The following EMC3 variants were observed in gnomAD, a reference collection of about 807,000 sequenced individuals.
EMC3 encodes the protein 30 kDa protein.
In EMC3, 13 loss-of-function variants were observed where a neutral mutation model predicts 36.6. That is an observed-to-expected ratio of 0.35 (90% CI 0.23 to 0.56). The LOEUF (loss-of-function observed/expected upper bound fraction) is 0.56, where lower values mean the gene tolerates loss of function less well. Ranked by LOEUF, EMC3 falls within the 20% of genes least tolerant of loss-of-function variation. The probability of loss-of-function intolerance (pLI) is 0.84; values close to 1 mark genes in which losing one functional copy is unlikely to be tolerated. For synonymous variants in EMC3, 120 were observed against 111.9 expected, an observed-to-expected ratio of 1.07 and a Z score of -0.46; for missense variants, 220 against 324.5, an observed-to-expected ratio of 0.68 and a Z score of 2.47.
chr3:9,996,671 T>C (rs2086129577), intron 1 of EMC3, among the ~76,000 whole-genome samples: 1 of 152,072 alleles, frequency 6.6e-6, no homozygotes, highest in Non-Finnish European at 1.5e-5. Context: ...TATACATGTG[T>C]CAAAATTCAA....
chr3:9,965,383 T>C lies in EMC3; in HGVS notation c.658-1186A>G, dbSNP rs201064894. 3.9e-5 allele frequency among the ~76,000 whole-genome samples: 6 copies of C among 151,966 alleles called. No individual in the cohort carries two copies. The East Asian group carries it at 1.2e-3, about 29-fold the overall frequency. On this transcript the variant is annotated intron_variant, in intron 7 of 7. Coordinates refer to ENST00000245046, the MANE Select transcript of EMC3 (RefSeq NM_001394674.1). ...CTGCAGTGAGCAAGGATTGTACCACTGCACTCCAGCCTGGGTGACACAGTG... is the reference window on the plus strand; with the variant it reads ...CTGCAGTGAGCAAGGATTGTACCACCGCACTCCAGCCTGGGTGACACAGTG...
In EMC3 at chr3:9,985,192, CTT is replaced by C. The variant is rs1455796541; in HGVS notation, c.155+1313_155+1314del. ...CCCATCTATATGATTTTAAAGGAAT[CTT>C]TAAATTACCAGCAAATGGAAATCCA... On this transcript the variant is annotated intron_variant, in intron 1 of 7. Coordinates refer to ENST00000245046, the MANE Select transcript of EMC3 (RefSeq NM_001394674.1). Among the ~76,000 whole-genome samples the C allele has an allele frequency of 3.3e-5, 5 of 152,126 alleles. No homozygotes were observed. In the East Asian group the frequency reaches 7.7e-4, roughly 23 times the overall value.
rs759028482 is a variant in EMC3, at chr3:10,000,533, C to A, written c.-242+10490G>T. ...AATCACAACTGCCCAACAAAATATT[C>A]TGTCATTTATGATCTGATTTCTGGT... On this transcript the variant is annotated intron_variant, in intron 1 of 8. Coordinates refer to the EMC3 transcript ENST00000470827. 1.6e-5 allele frequency: 4 copies of A among 244,588 alleles called. No homozygotes were observed. The Admixed American group carries it at 1.9e-4, about 12-fold the overall frequency. 15.2% of individuals were successfully genotyped at this position (244,588 alleles called of 1,614,324 possible). A position where few individuals can be genotyped will look rare whatever the true frequency, so the allele number is the denominator to read the frequency against.
chr3:9,978,997 C>T (rs1278325556), intron 1 of EMC3, among the ~76,000 whole-genome samples: 1 of 152,142 alleles, frequency 6.6e-6, no homozygotes, highest in Non-Finnish European at 1.5e-5. Context: ...GTGCCCTTTC[C>T]TTTCCGAGTT....
At chr3:9,968,390 A>G (rs980129261) in intron 7 of EMC3, among the ~76,000 whole-genome samples, 1 of 152,210 alleles carries the variant, frequency 6.6e-6, no homozygotes, top group Non-Finnish European at 1.5e-5. Flanking sequence ...ATTCTTTAGG[A>G]TGATCTACAT....
chr3:9,971,544 C>A (rs1436193943), intron 5 of EMC3, among the ~76,000 whole-genome samples: 1 of 152,174 alleles, frequency 6.6e-6, no homozygotes, highest in African/African-American at 2.4e-5. Flanking sequence ...GCTGATCTCA[C>A]CACAGTGGTA....
intron 1 of EMC3, among the ~76,000 whole-genome samples, chr3:9,986,115 T>C (rs1037659335): frequency 6.6e-6 from 1 of 152,090 alleles, no homozygotes; most frequent in African/African-American, 2.4e-5. Flanking sequence ...TCACACTCAC[T>C]TGACTGGATG....
intron 7 of EMC3, among the ~76,000 whole-genome samples, chr3:9,965,294 T>C (rs1357575820): frequency 2.6e-5 from 4 of 152,026 alleles, no homozygotes; most frequent in African/African-American, 9.6e-5. Flanking sequence ...CCTGTAGTAC[T>C]GGCTTCTCGT....
chr3:9,998,567 C>G (rs1559358435), intron 1 of EMC3, among the ~76,000 whole-genome samples: 1 of 151,776 alleles, frequency 6.6e-6, no homozygotes, highest in East Asian at 1.9e-4. Context: ...GTACCTGGGT[C>G]TACAGGTACC....
At position 9,993,903 on chromosome 3, in the gene EMC3, C is replaced by T. The variant is rs74822773; in HGVS notation, c.-241-7001G>A. ...GAAACCGGGATTTAGAAGATCTGGC[C>T]TCCAATCCCAAATCGAGCAGATAGG... On this transcript the variant is annotated intron_variant, in intron 1 of 8. Coordinates refer to the EMC3 transcript ENST00000470827. 1.8e-3 allele frequency among the ~76,000 whole-genome samples: 279 copies of T among 152,366 alleles called. 7 individuals carry two copies. In the East Asian group the frequency reaches 0.05, roughly 27 times the overall value.
chr3:9,969,743 G>C lies in EMC3; in HGVS notation c.633C>G (p.Pro211=), dbSNP rs776931918. 6.2e-7 allele frequency: 1 copy of C among 1,614,030 alleles called. No homozygotes were observed. The highest frequency in any genetic ancestry group is 8.5e-7 in the Non-Finnish European group (1 of 1,180,030). ...EQMTGAAMAM[P]ADTNKAFKTE... ...CCTTGAAAGCTTTGTTTGTGTCTGC[G>C]GGCATGGCCATGGCTGCTCCCGTCA... Residue 211 remains proline, a synonymous_variant, in exon 7 of 8, where the codon CCC becomes CCG. Coordinates refer to ENST00000245046, the MANE Select transcript of EMC3 (RefSeq NM_001394674.1).
intron 3 of EMC3, 142 bp downstream of exon 3, chr3:9,976,815 T>C: frequency 1.5e-6 from 1 of 667,030 alleles, no homozygotes; most frequent in Admixed American, 2.6e-5. Context: ...GATCCCTGTA[T>C]CAGATGATTT....
At position 9,966,283 on chromosome 3, in the gene EMC3, C is replaced by T. The variant is rs149814795; in HGVS notation, c.658-2086G>A. Among the ~76,000 whole-genome samples, 98 of 149,100 alleles carry T rather than the reference C, an allele frequency of 6.6e-4. No individual in the cohort carries two copies. In the East Asian group the frequency reaches 0.015, roughly 23 times the overall value. On this transcript the variant is annotated intron_variant, in intron 7 of 7. Coordinates refer to ENST00000245046, the MANE Select transcript of EMC3 (RefSeq NM_001394674.1). ...TGGCACCCAGGCTGGAGTGCAGTGGCGCAATCTCCGCTCACTGCAACCTCC... is the reference window on the plus strand; with the variant it reads ...TGGCACCCAGGCTGGAGTGCAGTGGTGCAATCTCCGCTCACTGCAACCTCC...
At chr3:9,986,233 T>C (rs2085970595) in intron 1 of EMC3, among the ~76,000 whole-genome samples, 1 of 152,174 alleles carries the variant, frequency 6.6e-6, no homozygotes, top group African/African-American at 2.4e-5. Flanking sequence ...ACCTAAAGGA[T>C]TAACAGTACT....
chr3:9,997,080 T>C (rs936616258), intron 1 of EMC3, among the ~76,000 whole-genome samples: 4 of 152,192 alleles, frequency 2.6e-5, no homozygotes, highest in Admixed American at 2.6e-4. Flanking sequence ...AGGCAATAAT[T>C]TGCCATCTTC....
chr3:9,968,278 T>C (rs1390748516), intron 7 of EMC3, among the ~76,000 whole-genome samples: 5 of 152,250 alleles, frequency 3.3e-5, no homozygotes, highest in Non-Finnish European at 7.3e-5. Context: ...GATACTATTA[T>C]AAATAAAATT....
chr3:9,970,062 C>T (rs1443548548), intron 6 of EMC3, among the ~76,000 whole-genome samples: 2 of 152,242 alleles, frequency 1.3e-5, no homozygotes, highest in African/African-American at 4.8e-5. Flanking sequence ...AGTTATTGAG[C>T]AACTACTGCA....
intron 1 of EMC3, chr3:10,002,815 T>A (rs1031860555): frequency 2.2e-6 from 1 of 456,054 alleles, no homozygotes; most frequent in Non-Finnish European, 4.4e-6. Context: ...GTCTTCCCCC[T>A]CCACGCAGAG....
upstream of EMC3, among the ~76,000 whole-genome samples, chr3:9,989,479 A>G (rs1441803751): frequency 6.6e-6 from 1 of 152,232 alleles, no homozygotes; most frequent in South Asian, 2.1e-4. Flanking sequence ...CTCAAAAGAT[A>G]AAAAGCCAGA....
Sources: allele counts gnomAD v4.1 joint callset (sites outside exome capture counted in the v4.1 genomes callset), GRCh38; gene constraint gnomAD v4.1.1; transcripts MANE v1.5; gene names NCBI Gene and HGNC (gene_info 2026-07-23, HGNC 2026-07-21).